Variants in PDS5A observed in about 807,000 individuals in gnomAD.
PDS5A encodes PDS5 cohesin associated factor A.
Under a neutral mutation model 167.1 loss-of-function variants are expected in PDS5A, and 42 were observed. The observed-to-expected ratio is 0.25, with a 90% CI of 0.20 to 0.33. The LOEUF (loss-of-function observed/expected upper bound fraction) is 0.33, where lower values mean the gene tolerates loss of function less well. Among genes scored for constraint, PDS5A ranks in the 10% least tolerant of loss-of-function variants. The probability of loss-of-function intolerance (pLI) is 1.00; values close to 1 mark genes in which losing one functional copy is unlikely to be tolerated. For synonymous variants in PDS5A, 553 were observed against 554.6 expected (o/e 1.00, Z 0.04); for missense variants, 1,033 against 1,605.9 (o/e 0.64, Z 6.10).
chr4:39,969,043 G>A (rs1465130263), intron 2 of PDS5A, among the ~76,000 whole-genome samples: 1 of 152,210 alleles, frequency 6.6e-6, no homozygotes, highest in Non-Finnish European at 1.5e-5. Context: ...CCAAAGTGCT[G>A]GGATTACAGG....
intron 17 of PDS5A, among the ~76,000 whole-genome samples, chr4:39,884,757 T>C (rs1422260919): frequency 6.6e-6 from 1 of 152,216 alleles, no homozygotes; most frequent in Non-Finnish European, 1.5e-5. Flanking sequence ...TAATTGCTAA[T>C]TTCCCTCACG....
rs540463714 is a variant in PDS5A at position 39,922,753 on chromosome 4, A to T, written c.528-5T>A. 5.7e-5 allele frequency: 20 copies of T among 348,484 alleles called. No homozygotes were observed. Among genetic ancestry groups the T allele is most frequent in the African/African-American group, 2.2e-4 (3 of 13,344 alleles). The allele number at this position is 348,484 out of a possible 1,614,324, so 21.6% of individuals were successfully genotyped here. A position where few individuals can be genotyped will look rare whatever the true frequency, so the allele number is the denominator to read the frequency against. On this transcript the variant is annotated splice_polypyrimidine_tract_variant and splice_region_variant and intron_variant, in intron 5 of 32. Coordinates refer to ENST00000303538, the MANE Select transcript of PDS5A (RefSeq NM_001100399.2). ...ACCTTCTTATTGTGGCTATTGCTAT[A>T]AAAAAAAAAAAAAAAGAATAAGTAG...
intron 2 of PDS5A, among the ~76,000 whole-genome samples, chr4:39,972,790 G>A (rs1205273953): frequency 1.3e-5 from 2 of 150,120 alleles, no homozygotes; most frequent in African/African-American, 4.9e-5. Context: ...CTGATATTTT[G>A]AGCTATTCCA....
In PDS5A at chr4:39,902,339, T is replaced by C. The variant is rs768200793; in HGVS notation, c.1499+8A>G. 177 of 1,242,504 alleles carry C rather than the reference T, an allele frequency of 1.4e-4. 2 individuals carry two copies. In the South Asian group the frequency reaches 2.2e-3, roughly 15 times the overall value. The allele number at this position is 1,242,504 out of a possible 1,614,324, so 77.0% of individuals were successfully genotyped here. On this transcript the variant is annotated splice_region_variant and intron_variant, in intron 13 of 32. Transcript: ENST00000303538. ...GAAAATACAGCAGTTATTTGAAAAGTAACTTACTTTACAGCATTTGGATCC... is the reference window on the plus strand; with the variant it reads ...GAAAATACAGCAGTTATTTGAAAAGCAACTTACTTTACAGCATTTGGATCC...
At chr4:39,826,007 GT>G (rs1011671606) in intron 32 of PDS5A, among the ~76,000 whole-genome samples, 1 of 152,048 alleles carries the variant, frequency 6.6e-6, no homozygotes, top group African/African-American at 2.4e-5. Context: ...CAATAAAGAA[GT>G]TTTTGTTTTC....
chr4:39,910,227 TA>T lies in PDS5A; in HGVS notation c.1087+16del. The T allele has an allele frequency of 2.2e-6, 3 of 1,359,462 alleles. No homozygotes were observed. Among genetic ancestry groups the T allele is most frequent in the Non-Finnish European group, 2.1e-6 (2 of 959,782 alleles). The allele number at this position is 1,359,462 out of a possible 1,614,324, so 84.2% of individuals were successfully genotyped here. On this transcript the variant is annotated intron_variant, in intron 10 of 32. Transcript: ENST00000303538. ...TGTATGGTTATGCTAATATGTGTAA[TA>T]AACCAGCTAGCTTACCTGTGAGATC...
intron 18 of PDS5A, among the ~76,000 whole-genome samples, chr4:39,878,372 G>C (rs1397090732): frequency 2.0e-5 from 3 of 152,128 alleles, no homozygotes; most frequent in Non-Finnish European, 2.9e-5. Context: ...GAAGCGGGCT[G>C]ATCACAAGGT....
At chr4:39,842,561 TCA>T (rs1395731651) in intron 30 of PDS5A, among the ~76,000 whole-genome samples, 5 of 152,272 alleles carry the variant, frequency 3.3e-5, no homozygotes, top group Admixed American at 6.5e-5. Flanking sequence ...GTTTAAAACA[TCA>T]TTGGTTGAGT....
chr4:39,837,836 G>C lies in PDS5A; in HGVS notation c.4010+20C>G. The C allele has an allele frequency of 1.9e-6, 3 of 1,549,042 alleles. No homozygotes were observed. Among genetic ancestry groups the C allele is most frequent in the Non-Finnish European group, 2.6e-6 (3 of 1,137,864 alleles). On this transcript the variant is annotated intron_variant, in intron 32 of 32. Coordinates refer to ENST00000303538, the MANE Select transcript of PDS5A (RefSeq NM_001100399.2). Reference sequence around the variant, plus strand: ...ACAAAATGTCTAAATTCCCACTTGAGGAAGAATGGCGTACATTACCTTTGT... The same window carrying C: ...ACAAAATGTCTAAATTCCCACTTGACGAAGAATGGCGTACATTACCTTTGT...
chr4:39,835,623 A>C (rs998833251), intron 32 of PDS5A, among the ~76,000 whole-genome samples: 4 of 152,108 alleles, frequency 2.6e-5, no homozygotes, highest in African/African-American at 9.7e-5. Flanking sequence ...CCCGGGTTCA[A>C]GCAATTCTCC....
At chr4:39,830,308 G>A (rs899490582) in intron 32 of PDS5A, among the ~76,000 whole-genome samples, 2 of 152,214 alleles carry the variant, frequency 1.3e-5, no homozygotes, top group Non-Finnish European at 2.9e-5. Flanking sequence ...TCCTGCCACA[G>A]CATCCCAAGT....
intron 13 of PDS5A, among the ~76,000 whole-genome samples, chr4:39,901,850 AT>A (rs1705796033): frequency 1.3e-5 from 2 of 152,250 alleles, no homozygotes. Flanking sequence ...TAAAAAAAAA[AT>A]CTATTAAAGT....
At chr4:39,849,027 C>G in intron 27 of PDS5A, 57 bp from the exon 28 acceptor site, 4 of 1,166,342 alleles carry the variant, frequency 3.4e-6, no homozygotes, top group Non-Finnish European at 4.9e-6. Flanking sequence ...ATCATAATTA[C>G]CAATTCCACT....
At position 39,976,476 on chromosome 4, in the gene PDS5A, G is replaced by A; in HGVS notation, c.102C>T (p.Asp34=). 6.2e-7 allele frequency: 1 copy of A among 1,613,496 alleles called. No individual in the cohort carries two copies. Among genetic ancestry groups the A allele is most frequent in the Non-Finnish European group, 8.5e-7 (1 of 1,179,504 alleles). The change falls in exon 2 of 33, where the codon GAC becomes GAT. Residue 34 remains aspartate (D), a synonymous_variant. Transcript: ENST00000303538. ...TGATCATCTCGTCCGTGGTGATCTT[G>A]TCGGTGATCTCTTTTACCCCCGGAG... ...AYPPGVKEIT[D]KITTDEMIKR...
At chr4:39,938,893 C>T (rs1371590446) in intron 2 of PDS5A, among the ~76,000 whole-genome samples, 4 of 151,944 alleles carry the variant, frequency 2.6e-5, no homozygotes, top group African/African-American at 7.2e-5. Context: ...TCGCTTGAAC[C>T]AGGGAGTCCG....
chr4:39,856,713 G>T (rs1560430685), intron 26 of PDS5A, among the ~76,000 whole-genome samples: 1 of 152,124 alleles, frequency 6.6e-6, no homozygotes, highest in Admixed American at 6.5e-5. Flanking sequence ...CTACTCGGGA[G>T]GCTGAGGCAG....
chr4:39,947,299 C>T (rs546459413), intron 2 of PDS5A, among the ~76,000 whole-genome samples: 31 of 152,088 alleles, frequency 2.0e-4, no homozygotes, highest in African/African-American at 7.0e-4. Context: ...ACTAAAAATA[C>T]AAAAAATTAG....
chr4:39,866,979 G>C lies in PDS5A; in HGVS notation c.2524C>G (p.Leu842Val), dbSNP rs1226676632. The C allele has an allele frequency of 1.1e-5, 17 of 1,611,428 alleles. No individual in the cohort carries two copies. Among genetic ancestry groups the C allele is most frequent in the Non-Finnish European group, 1.4e-5 (16 of 1,178,594 alleles). ...TTCATACCCAACAGCCACCTTACCA[G>C]AAGTTTAATTGCCTGTACCTATAAA... ...VLAKVQAIKL[L>V]VRWLLGMKNN... Residue 842 changes from leucine to valine, a missense_variant, in exon 23 of 33, where the codon CTG becomes GTG. Physicochemically the swap from Leu to Val is conservative, Grantham distance 32. Coordinates refer to ENST00000303538, the MANE Select transcript of PDS5A (RefSeq NM_001100399.2).
rs520513 is a variant in PDS5A at position 39,968,242 on chromosome 4, G to A, written c.138+8198C>T. Among the ~76,000 whole-genome samples the A allele has an allele frequency of 6.3e-3, 952 of 151,934 alleles. 13 individuals are homozygous for A. Among genetic ancestry groups the A allele is most frequent in the African/African-American group, 0.022 (902 of 41,448 alleles). On this transcript the variant is annotated intron_variant, in intron 2 of 32. Coordinates refer to ENST00000303538, the MANE Select transcript of PDS5A (RefSeq NM_001100399.2). ...GTGCTGGAAATACAGGCATAAGCCA[G>A]AGGACACCAGACCTATAAGTGTATT...
Sources: gnomAD v4.1 joint callset for allele counts (sites outside exome capture counted in the v4.1 genomes callset) on GRCh38, gnomAD v4.1.1 for gene constraint, MANE v1.5 for transcripts, NCBI Gene and HGNC (gene_info 2026-07-23, HGNC 2026-07-21) for gene names.